The following SPOCK1 variants were observed in gnomAD, a reference collection of about 807,000 sequenced individuals.
SPOCK1 encodes testican-1.
In SPOCK1, 23 loss-of-function variants were observed where a neutral mutation model predicts 55.3. The ratio of observed to expected loss-of-function variants is 0.42; its 90% CI spans 0.30 to 0.59. The LOEUF is 0.59. Among genes scored for constraint, SPOCK1 ranks in the 20% least tolerant of loss-of-function variants. The probability of loss-of-function intolerance (pLI) is 0.22; values close to 1 mark genes in which losing one functional copy is unlikely to be tolerated. For missense variants in SPOCK1, 499 were observed against 552.5 expected (o/e 0.90, Z 0.97); for synonymous variants, 226 against 221.0 (o/e 1.02, Z -0.20).
chr5:137,404,708 C>T (rs1752058881), intron 2 of SPOCK1, among the ~76,000 whole-genome samples: 1 of 151,964 alleles, frequency 6.6e-6, no homozygotes, highest in Non-Finnish European at 1.5e-5. Context: ...GGAGCCACCG[C>T]ACCTGGCCTA....
chr5:137,204,123 C>T (rs1246961165), intron 3 of SPOCK1, among the ~76,000 whole-genome samples: 4 of 152,156 alleles, frequency 2.6e-5, no homozygotes, highest in African/African-American at 7.2e-5. Context: ...TCCTCTGTAA[C>T]GTGGAAATAA....
chr5:137,326,893 G>T (rs1401630789), intron 2 of SPOCK1, among the ~76,000 whole-genome samples: 1 of 152,118 alleles, frequency 6.6e-6, no homozygotes, highest in East Asian at 1.9e-4. Context: ...TTTCTCTCAG[G>T]ATGTCCTCAA....
intron 5 of SPOCK1, among the ~76,000 whole-genome samples, chr5:137,086,472 C>T (rs2127016743): frequency 6.6e-6 from 1 of 152,270 alleles, no homozygotes; most frequent in South Asian, 2.1e-4. Context: ...AGGGCACAGG[C>T]TCTTTGTTTA....
chr5:137,173,418 A>C (rs980904486), intron 3 of SPOCK1, among the ~76,000 whole-genome samples: 2 of 152,192 alleles, frequency 1.3e-5, no homozygotes, highest in African/African-American at 4.8e-5. Context: ...GTTTCTTGCC[A>C]CCAAGATGCT....
chr5:137,379,812 G>A (rs1355081572), intron 2 of SPOCK1, among the ~76,000 whole-genome samples: 1 of 152,098 alleles, frequency 6.6e-6, no homozygotes, highest in East Asian at 1.9e-4. Flanking sequence ...TAAGGTGAGT[G>A]GGGCTTAAAA....
intron 2 of SPOCK1, among the ~76,000 whole-genome samples, chr5:137,431,994 C>T (rs549795580): frequency 3.8e-4 from 58 of 152,268 alleles, no homozygotes; most frequent in African/African-American, 1.3e-3. Flanking sequence ...CCAATAAGCA[C>T]ATGAAAAGAT....
intron 2 of SPOCK1, among the ~76,000 whole-genome samples, chr5:137,393,510 T>A (rs1751771749): frequency 6.6e-6 from 1 of 152,236 alleles, no homozygotes; most frequent in South Asian, 2.1e-4. Flanking sequence ...TGCTTATTGT[T>A]GTGTGTTTCA....
At chr5:137,445,871 T>G (rs1005847990) in intron 2 of SPOCK1, among the ~76,000 whole-genome samples, 3 of 152,200 alleles carry the variant, frequency 2.0e-5, no homozygotes, top group African/African-American at 7.2e-5. Flanking sequence ...TGCTCTAAAA[T>G]GAATGGTATT....
At chr5:137,040,487 C>T (rs879086385) in intron 6 of SPOCK1, among the ~76,000 whole-genome samples, 1 of 152,284 alleles carries the variant, frequency 6.6e-6, no homozygotes, top group Admixed American at 6.5e-5. Flanking sequence ...TAAATACAGG[C>T]CCACAAAATA....
At chr5:137,304,809 G>A (rs964509180) in intron 2 of SPOCK1, among the ~76,000 whole-genome samples, 4 of 152,186 alleles carry the variant, frequency 2.6e-5, no homozygotes. Context: ...ACATCAACAA[G>A]TCACTTAATC....
intron 2 of SPOCK1, among the ~76,000 whole-genome samples, chr5:137,313,791 G>A (rs1238512597): frequency 6.6e-6 from 1 of 150,838 alleles, no homozygotes; most frequent in Non-Finnish European, 1.5e-5. Flanking sequence ...ACAGGAAAAG[G>A]AACCATTTTC....
intron 7 of SPOCK1, among the ~76,000 whole-genome samples, chr5:136,990,374 T>G (rs2126963002): frequency 6.6e-6 from 1 of 151,852 alleles, no homozygotes; most frequent in Admixed American, 6.6e-5. Context: ...GGGAAAAGAC[T>G]GTCTTGTCCC....
chr5:137,414,737 C>T (rs1752292990), intron 2 of SPOCK1, among the ~76,000 whole-genome samples: 1 of 152,082 alleles, frequency 6.6e-6, no homozygotes, highest in Non-Finnish European at 1.5e-5. Context: ...CTGAAATAAG[C>T]ACTCTGTGTT....
intron 5 of SPOCK1, among the ~76,000 whole-genome samples, chr5:137,103,175 G>C (rs1753304054): frequency 6.6e-6 from 1 of 152,002 alleles, no homozygotes; most frequent in South Asian, 2.1e-4. Flanking sequence ...ATTTTTAGTA[G>C]AGACAGAGTT....
Position 137,266,944 on chromosome 5 carries a change from G to A in SPOCK1, c.232+66C>T. The A allele has an allele frequency of 4.9e-6, 7 of 1,433,328 alleles. No homozygotes were observed. In the Admixed American group the frequency reaches 7.0e-5, roughly 14 times the overall value. The allele number at this position is 1,433,328 out of a possible 1,614,324, so 88.8% of individuals were successfully genotyped here. On this transcript the variant is annotated intron_variant, in intron 3 of 10. Coordinates refer to ENST00000394945, the MANE Select transcript of SPOCK1 (RefSeq NM_004598.4). ...CCTTGTGGGAACATTAACTCAGCATGCAAGGAAGGAAAAATGAGACCACAT... is the reference window on the plus strand; with the variant it reads ...CCTTGTGGGAACATTAACTCAGCATACAAGGAAGGAAAAATGAGACCACAT...
chr5:137,000,149 G>A (rs542826254), intron 6 of SPOCK1, among the ~76,000 whole-genome samples: 8 of 152,250 alleles, frequency 5.3e-5, no homozygotes, highest in South Asian at 4.2e-4. Context: ...GAGCAAGCTC[G>A]GAGGCCTCTC....
At position 136,979,315 on chromosome 5, in the gene SPOCK1, C is replaced by T; in HGVS notation, c.1129+17G>A. 1 of 1,613,502 alleles carries T rather than the reference C, an allele frequency of 6.2e-7. No individual in the cohort carries two copies. Among genetic ancestry groups the T allele is most frequent in the South Asian group, 1.1e-5 (1 of 90,996 alleles). ...CACCCAGGTCATTGTGGGGCTCATG[C>T]AGGAGGCCTTACTCACCACAGCTCA... is the stretch of plus-strand genomic sequence containing the variant. On this transcript the variant is annotated intron_variant, in intron 10 of 10. Transcript: ENST00000394945.
chr5:137,319,616 G>A (rs778792809), intron 2 of SPOCK1, among the ~76,000 whole-genome samples: 1 of 152,240 alleles, frequency 6.6e-6, no homozygotes, highest in East Asian at 1.9e-4. Context: ...TAGGAAACCC[G>A]AGAGCTCACT....
intron 5 of SPOCK1, among the ~76,000 whole-genome samples, chr5:137,083,408 T>C (rs1752907538): frequency 1.3e-5 from 2 of 152,160 alleles, no homozygotes; most frequent in Non-Finnish European, 2.9e-5. Flanking sequence ...AGGAACTTAA[T>C]TAACCCTCCT....
Sources: gnomAD v4.1 joint callset for allele counts (sites outside exome capture counted in the v4.1 genomes callset) on GRCh38, gnomAD v4.1.1 for gene constraint, MANE v1.5 for transcripts, NCBI Gene and HGNC (gene_info 2026-07-23, HGNC 2026-07-21) for gene names.